The following SRBD1 variants were observed in gnomAD, a reference collection of about 807,000 sequenced individuals.
SRBD1 encodes the protein S1 RNA binding domain 1, also known as S1 RNA-binding domain-containing protein 1.
Under a neutral mutation model 115.3 loss-of-function variants are expected in SRBD1, and 88 were observed. The observed-to-expected ratio is 0.76, with a 90% CI of 0.64 to 0.91. SRBD1 has a LOEUF of 0.91. Among genes scored for constraint, SRBD1 ranks in the 40% least tolerant of loss-of-function variants. The pLI, the probability that SRBD1 is intolerant of heterozygous loss-of-function variation, is 0.00. For synonymous variants in SRBD1, 509 were observed against 407.7 expected (o/e 1.25, Z -2.99); for missense variants, 1,385 against 1,177.4 (o/e 1.18, Z -2.58).
At chr2:45,516,312 A>C (rs2103940939) in intron 14 of SRBD1, among the ~76,000 whole-genome samples, 1 of 152,306 alleles carries the variant, frequency 6.6e-6, no homozygotes, top group South Asian at 2.1e-4. Flanking sequence ...GCTGTTTTGA[A>C]AGGTGGGATC....
At chr2:45,557,908 T>C (rs1306425649) in intron 10 of SRBD1, among the ~76,000 whole-genome samples, 2 of 152,208 alleles carry the variant, frequency 1.3e-5, no homozygotes, top group African/African-American at 4.8e-5. Context: ...GCTATGTATG[T>C]TGCATACAAT....
intron 16 of SRBD1, among the ~76,000 whole-genome samples, chr2:45,423,174 T>C (rs1321530931): frequency 2.6e-5 from 4 of 152,122 alleles, no homozygotes; most frequent in African/African-American, 9.7e-5. Flanking sequence ...AGTGTTGAAA[T>C]AAAACTTCAA....
At chr2:45,571,742 G>C in intron 9 of SRBD1, among the ~76,000 whole-genome samples, 1 of 151,860 alleles carries the variant, frequency 6.6e-6, no homozygotes, top group Non-Finnish European at 1.5e-5. Context: ...AAAGTACAAT[G>C]ACTGAAATAA....
chr2:45,610,870 G>A (rs1017010597), intron 1 of SRBD1, among the ~76,000 whole-genome samples: 2 of 151,844 alleles, frequency 1.3e-5, no homozygotes, highest in African/African-American at 2.4e-5. Flanking sequence ...GGAGCTTGCA[G>A]TGAGCCGAGA....
intron 16 of SRBD1, among the ~76,000 whole-genome samples, chr2:45,424,312 T>C (rs1668090281): frequency 6.6e-6 from 1 of 152,176 alleles, no homozygotes; most frequent in Non-Finnish European, 1.5e-5. Flanking sequence ...TCCTACTAAG[T>C]ACAGAATTCA....
At chr2:45,441,119 C>G (rs1668656844) in intron 16 of SRBD1, among the ~76,000 whole-genome samples, 1 of 152,128 alleles carries the variant, frequency 6.6e-6, no homozygotes, top group African/African-American at 2.4e-5. Context: ...AGACAGTAAA[C>G]CTTTCAAATT....
In SRBD1 at chr2:45,601,962, T is replaced by C. The variant is rs1390646787; in HGVS notation, c.202A>G (p.Lys68Glu). The C allele has an allele frequency of 6.2e-7, 1 of 1,614,232 alleles. No homozygotes were observed. Among genetic ancestry groups the C allele is most frequent in the Non-Finnish European group, 8.5e-7 (1 of 1,180,034 alleles). ...ESKPKRMPRV[K>E]KNAPQISDGS... is the part of the protein sequence containing the mutation. ...TCACTGATCTGTGGGGCATTCTTCT[T>C]CACCCGAGGCATCCTCTTTGGTTTG... Residue 68 changes from lysine (K) to glutamate (E), a missense_variant, in exon 3 of 21, where the codon AAG (lysine) becomes GAG (glutamate). Transcript: ENST00000263736.
chr2:45,576,900 G>T (rs975213095), intron 7 of SRBD1, among the ~76,000 whole-genome samples: 6 of 152,150 alleles, frequency 3.9e-5, no homozygotes, highest in African/African-American at 1.4e-4. Context: ...CATAAGAGGG[G>T]AATATAATTT....
intron 11 of SRBD1, among the ~76,000 whole-genome samples, chr2:45,551,513 CCTCT>C (rs550223673): frequency 1.8e-4 from 27 of 152,282 alleles, no homozygotes; most frequent in African/African-American, 6.3e-4. Flanking sequence ...ACCTACATTA[CCTCT>C]CTATCTGCTC....
At chr2:45,604,109 G>A (rs546489704) in intron 2 of SRBD1, among the ~76,000 whole-genome samples, 1 of 151,816 alleles carries the variant, frequency 6.6e-6, no homozygotes, top group African/African-American at 2.4e-5. Context: ...TTCACATCTA[G>A]AATCCTATGC....
chr2:45,570,700 A>G (rs1672979269), intron 9 of SRBD1, among the ~76,000 whole-genome samples: 1 of 152,240 alleles, frequency 6.6e-6, no homozygotes, highest in Non-Finnish European at 1.5e-5. Context: ...CCCAGTCTCC[A>G]GCTCAGCAGT....
At chr2:45,464,930 T>C (rs1031882729) in intron 16 of SRBD1, among the ~76,000 whole-genome samples, 2 of 151,664 alleles carry the variant, frequency 1.3e-5, no homozygotes, top group Admixed American at 6.6e-5. Flanking sequence ...CTTTAAACAT[T>C]TGTCATAACT....
chr2:45,578,717 G>A (rs192513894), intron 7 of SRBD1, among the ~76,000 whole-genome samples: 4 of 152,290 alleles, frequency 2.6e-5, no homozygotes, highest in East Asian at 1.9e-4. Flanking sequence ...GTGGAAAGAC[G>A]TAGGTCAAAG....
At chr2:45,424,667 A>G (rs1668100440) in intron 16 of SRBD1, among the ~76,000 whole-genome samples, 1 of 152,248 alleles carries the variant, frequency 6.6e-6, no homozygotes, top group African/African-American at 2.4e-5. Context: ...TAAGACAGAC[A>G]TACATATACC....
At chr2:45,412,835 T>A (rs1667642601) in intron 19 of SRBD1, among the ~76,000 whole-genome samples, 1 of 152,182 alleles carries the variant, frequency 6.6e-6, no homozygotes, top group Non-Finnish European at 1.5e-5. Context: ...TCTTGTTAAT[T>A]TCCAAAACAA....
At chr2:45,481,516 G>A (rs1314493989) in intron 15 of SRBD1, among the ~76,000 whole-genome samples, 1 of 152,032 alleles carries the variant, frequency 6.6e-6, no homozygotes, top group African/African-American at 2.4e-5. Context: ...TAATGAAAGA[G>A]GCAGAGAATA....
chr2:45,455,363 G>A (rs1431447576), intron 16 of SRBD1, among the ~76,000 whole-genome samples: 12 of 151,882 alleles, frequency 7.9e-5, no homozygotes, highest in Admixed American at 5.3e-4. Flanking sequence ...TCGTATTGCA[G>A]GTATGTGATA....
intron 20 of SRBD1, among the ~76,000 whole-genome samples, chr2:45,392,279 C>T (rs1344279105): frequency 6.6e-6 from 1 of 152,204 alleles, no homozygotes; most frequent in Non-Finnish European, 1.5e-5. Flanking sequence ...AACACGGAAT[C>T]ATCAAAACTG....
At chr2:45,440,564 G>A (rs1445162874) in intron 16 of SRBD1, among the ~76,000 whole-genome samples, 1 of 152,174 alleles carries the variant, frequency 6.6e-6, no homozygotes, top group Non-Finnish European at 1.5e-5. Flanking sequence ...CATGACATAT[G>A]CATGAACAAA....
Sources: gnomAD v4.1 joint callset for allele counts (sites outside exome capture counted in the v4.1 genomes callset) on GRCh38, gnomAD v4.1.1 for gene constraint, MANE v1.5 for transcripts, NCBI Gene and HGNC (gene_info 2026-07-23, HGNC 2026-07-21) for gene names.